Variants in RIT2 observed in about 807,000 individuals in gnomAD.
The protein encoded by RIT2 is GTP-binding protein Rit2.
In RIT2, 24 loss-of-function variants were observed where a neutral mutation model predicts 23.7. The observed-to-expected ratio is 1.01, with a 90% CI of 0.73 to 1.43. The LOEUF is 1.43. RIT2 is among the 40% of genes most tolerant of loss of function. RIT2 has a pLI of 0.00. For synonymous variants in RIT2, 107 were observed against 91.1 expected (o/e 1.17, Z -0.99); for missense variants, 236 against 266.9 (o/e 0.88, Z 0.81).
At chr18:42,857,724 G>T (rs999535248) in intron 4 of RIT2, among the ~76,000 whole-genome samples, 5 of 152,106 alleles carry the variant, frequency 3.3e-5, no homozygotes, top group Non-Finnish European at 5.9e-5. Flanking sequence ...GATATGAAGG[G>T]GATCTTTATT....
chr18:42,966,790 A>G (rs1910234602), intron 3 of RIT2, among the ~76,000 whole-genome samples: 1 of 152,112 alleles, frequency 6.6e-6, no homozygotes. Flanking sequence ...ATGTTCAATT[A>G]ATCATGTTGA....
chr18:42,783,487 T>C lies in RIT2; in HGVS notation c.427-39767A>G, dbSNP rs574369207. ...GCTTCAGGAGTAATAAAGAATTAGGTGGTTTTCAACTGAAATAACACTTAA... is the reference window on the plus strand; with the variant it reads ...GCTTCAGGAGTAATAAAGAATTAGGCGGTTTTCAACTGAAATAACACTTAA... On this transcript the variant is annotated intron_variant, in intron 4 of 4. Transcript: ENST00000326695. 2.0e-5 allele frequency among the ~76,000 whole-genome samples: 3 copies of C among 152,248 alleles called. No individual in the cohort carries two copies. The South Asian group carries it at 6.2e-4, about 32-fold the overall frequency.
At chr18:42,880,370 TA>T in intron 4 of RIT2, among the ~76,000 whole-genome samples, 1 of 152,106 alleles carries the variant, frequency 6.6e-6, no homozygotes, top group East Asian at 1.9e-4. Flanking sequence ...TTTTACCCCT[TA>T]AAAAAATCCC....
At chr18:42,857,858 G>A (rs1197951017) in intron 4 of RIT2, among the ~76,000 whole-genome samples, 3 of 152,148 alleles carry the variant, frequency 2.0e-5, no homozygotes, top group Non-Finnish European at 4.4e-5. Flanking sequence ...TCAGTCTTGG[G>A]CTACATAGAT....
intron 4 of RIT2, among the ~76,000 whole-genome samples, chr18:42,768,012 A>G (rs1913466395): frequency 6.6e-6 from 1 of 152,134 alleles, no homozygotes; most frequent in South Asian, 2.1e-4. Flanking sequence ...CAGCAGTGTG[A>G]AAACAAACTA....
intron 4 of RIT2, among the ~76,000 whole-genome samples, chr18:42,780,077 C>G (rs1258018402): frequency 1.1e-4 from 1 of 9,136 alleles, no homozygotes; most frequent in Non-Finnish European, 6.5e-4. Flanking sequence ...TTTTTTTTGC[C>G]AAGGTTAGGG....
At chr18:42,998,139 T>A (rs561024357) in intron 2 of RIT2, among the ~76,000 whole-genome samples, 6 of 152,274 alleles carry the variant, frequency 3.9e-5, no homozygotes, top group African/African-American at 1.4e-4. Flanking sequence ...AACCATGGGA[T>A]GGCACAGTTT....
intron 4 of RIT2, among the ~76,000 whole-genome samples, chr18:42,866,251 T>A (rs1367064385): frequency 6.6e-6 from 1 of 152,200 alleles, no homozygotes; most frequent in Admixed American, 6.5e-5. Context: ...TTGTTATCAA[T>A]CCTTAAGATA....
At chr18:42,878,327 T>C (rs979054890) in intron 4 of RIT2, among the ~76,000 whole-genome samples, 13 of 151,600 alleles carry the variant, frequency 8.6e-5, no homozygotes, top group Non-Finnish European at 1.9e-4. Context: ...AAATAAGCTA[T>C]AGAAGGAAAA....
intron 4 of RIT2, among the ~76,000 whole-genome samples, chr18:42,853,382 G>T (rs1351557472): frequency 6.6e-6 from 1 of 152,168 alleles, no homozygotes; most frequent in Non-Finnish European, 1.5e-5. Context: ...CAGGTCATTG[G>T]CATAAACTCA....
At chr18:42,926,067 C>T (rs940951280) in intron 3 of RIT2, among the ~76,000 whole-genome samples, 9 of 151,566 alleles carry the variant, frequency 5.9e-5, no homozygotes, top group African/African-American at 1.9e-4. Context: ...TTATCTATAC[C>T]TGAGAAAATT....
At chr18:42,995,395 T>G (rs1910957300) in intron 2 of RIT2, among the ~76,000 whole-genome samples, 1 of 152,060 alleles carries the variant, frequency 6.6e-6, no homozygotes, top group African/African-American at 2.4e-5. Flanking sequence ...GGTAGACACT[T>G]TCACTGCATA....
chr18:42,932,636 A>G (rs1909354569), intron 3 of RIT2, among the ~76,000 whole-genome samples: 1 of 152,136 alleles, frequency 6.6e-6, no homozygotes, highest in Non-Finnish European at 1.5e-5. Context: ...TTTTCTAGGG[A>G]ATCGAGAATT....
chr18:42,934,690 G>T (rs949223), intron 3 of RIT2, among the ~76,000 whole-genome samples: 104,799 of 152,090 alleles, frequency 0.69, 37,659 homozygotes, highest in Non-Finnish European at 0.81. Flanking sequence ...CATAAGCACA[G>T]ATATTAATAT....
At chr18:42,863,085 G>T (rs1376478247) in intron 4 of RIT2, among the ~76,000 whole-genome samples, 1 of 151,730 alleles carries the variant, frequency 6.6e-6, no homozygotes, top group African/African-American at 2.4e-5. Flanking sequence ...ACAAGATGAG[G>T]CATTTTATCC....
chr18:42,929,034 GATAT>G (rs770619793), intron 3 of RIT2, among the ~76,000 whole-genome samples: 88 of 96,946 alleles, frequency 9.1e-4, no homozygotes, highest in African/African-American at 2.0e-3. Flanking sequence ...AAAATATGGA[GATAT>G]ATATATATAT....
At chr18:42,838,737 G>A (rs1482354780) in intron 4 of RIT2, among the ~76,000 whole-genome samples, 1 of 152,022 alleles carries the variant, frequency 6.6e-6, no homozygotes, top group Non-Finnish European at 1.5e-5. Flanking sequence ...TTGATTACAC[G>A]CCTCAGAATT....
At chr18:42,947,046 A>G (rs992280408) in intron 3 of RIT2, among the ~76,000 whole-genome samples, 30 of 152,144 alleles carry the variant, frequency 2.0e-4, no homozygotes, top group African/African-American at 7.2e-4. Flanking sequence ...GATGAAAATT[A>G]TAACTATGAA....
chr18:42,837,147 CTTTTTCTTTTTTTTTTTTTTTTTTTTTTT>C (rs1344850754), intron 4 of RIT2, among the ~76,000 whole-genome samples: 1 of 48,718 alleles, frequency 2.1e-5, no homozygotes, highest in Non-Finnish European at 4.7e-5. Context: ...CTTTTTTTTT[CTTTTTCTTTTTTTTTTTTTTTTTTTTTTT>C]TTTTTTTTTG....
Sources: allele counts gnomAD v4.1 joint callset (sites outside exome capture counted in the v4.1 genomes callset), GRCh38; gene constraint gnomAD v4.1.1; transcripts MANE v1.5; gene names NCBI Gene and HGNC (gene_info 2026-07-23, HGNC 2026-07-21).